The following STK32B variants were observed in gnomAD, a reference collection of about 807,000 sequenced individuals.
STK32B encodes serine/threonine-protein kinase 32B.
In STK32B, 43 loss-of-function variants were observed where a neutral mutation model predicts 52.6. The ratio of observed to expected loss-of-function variants is 0.82; its 90% CI spans 0.64 to 1.05. The LOEUF is 1.05. STK32B is among the 50% of genes least tolerant of loss of function. STK32B has a pLI of 0.00. For synonymous variants in STK32B, 238 were observed against 204.3 expected (o/e 1.17, Z -1.41); for missense variants, 621 against 534.6 (o/e 1.16, Z -1.59).
chr4:5,197,171 G>T (rs1406775386), intron 3 of STK32B, among the ~76,000 whole-genome samples: 3 of 152,224 alleles, frequency 2.0e-5, no homozygotes, highest in Non-Finnish European at 4.4e-5. Context: ...GGGAGTGATG[G>T]AGACTGTGGC....
chr4:5,357,019 A>ATT (rs1207392273), intron 4 of STK32B, among the ~76,000 whole-genome samples: 9 of 141,232 alleles, frequency 6.4e-5, no homozygotes, highest in African/African-American at 2.6e-4. Context: ...ATATATATAT[A>ATT]TATACACACA....
At chr4:5,078,266 T>C (rs1712203122) in intron 1 of STK32B, among the ~76,000 whole-genome samples, 1 of 152,174 alleles carries the variant, frequency 6.6e-6, no homozygotes, top group South Asian at 2.1e-4. Flanking sequence ...TGTGCTGGAC[T>C]TCCATATATG....
At chr4:5,367,268 A>G (rs1421129273) in intron 4 of STK32B, among the ~76,000 whole-genome samples, 1 of 152,102 alleles carries the variant, frequency 6.6e-6, no homozygotes, top group East Asian at 1.9e-4. Context: ...CAGCTCCAGG[A>G]TAGTTCTTTA....
At chr4:5,319,142 A>G (rs547027333) in intron 3 of STK32B, among the ~76,000 whole-genome samples, 2 of 152,174 alleles carry the variant, frequency 1.3e-5, no homozygotes, top group African/African-American at 2.4e-5. Context: ...ATTATGTGTC[A>G]GTCACTTTTC....
chr4:5,063,239 A>G (rs1264561569), intron 1 of STK32B, among the ~76,000 whole-genome samples: 5 of 152,220 alleles, frequency 3.3e-5, no homozygotes, highest in African/African-American at 4.8e-5. Context: ...CCATTGCTCT[A>G]CATCAGCACT....
intron 5 of STK32B, among the ~76,000 whole-genome samples, chr4:5,409,226 C>CATT (rs1737866432): frequency 1.3e-5 from 2 of 152,076 alleles, no homozygotes; most frequent in Admixed American, 1.3e-4. Context: ...TTAGAAAATG[C>CATT]ATTTTCCCCC....
intron 1 of STK32B, among the ~76,000 whole-genome samples, chr4:5,116,473 A>G (rs939586698): frequency 3.9e-5 from 6 of 152,216 alleles, no homozygotes; most frequent in Non-Finnish European, 4.4e-5. Flanking sequence ...TAATATATCT[A>G]TCAACTCATA....
At chr4:5,211,805 G>T (rs1463846967) in intron 3 of STK32B, among the ~76,000 whole-genome samples, 2 of 152,126 alleles carry the variant, frequency 1.3e-5, no homozygotes, top group Non-Finnish European at 2.9e-5. Context: ...AAACAAACTC[G>T]CATTTTACAC....
intron 3 of STK32B, among the ~76,000 whole-genome samples, chr4:5,253,914 A>G (rs961737396): frequency 6.6e-6 from 1 of 152,154 alleles, no homozygotes; most frequent in Non-Finnish European, 1.5e-5. Context: ...GCCCCAGACT[A>G]GGAACTGCTC....
intron 3 of STK32B, among the ~76,000 whole-genome samples, chr4:5,289,659 C>T (rs188740602): frequency 0.023 from 3,358 of 147,810 alleles, 73 homozygotes; most frequent in Non-Finnish European, 0.029. Flanking sequence ...GCTGGGAGTA[C>T]AGGCACCCAC....
intron 3 of STK32B, among the ~76,000 whole-genome samples, chr4:5,286,874 T>A (rs1412173687): frequency 2.0e-5 from 3 of 147,504 alleles, no homozygotes; most frequent in African/African-American, 7.8e-5. Context: ...CTTGGCTCAC[T>A]GCAACCTCTG....
intron 3 of STK32B, among the ~76,000 whole-genome samples, chr4:5,208,816 C>A (rs1722733773): frequency 6.6e-6 from 1 of 152,208 alleles, no homozygotes; most frequent in African/African-American, 2.4e-5. Context: ...TGGCTTGATT[C>A]ACCCAAATCA....
At chr4:5,366,403 G>C (rs1358792653) in intron 4 of STK32B, among the ~76,000 whole-genome samples, 1 of 152,224 alleles carries the variant, frequency 6.6e-6, no homozygotes, top group Non-Finnish European at 1.5e-5. Context: ...TAAAGCTTGA[G>C]CTTGGAGCTT....
At chr4:5,322,588 G>C (rs927134045) in intron 3 of STK32B, among the ~76,000 whole-genome samples, 2 of 152,330 alleles carry the variant, frequency 1.3e-5, no homozygotes, top group African/African-American at 4.8e-5. Flanking sequence ...GCCTCAGGAA[G>C]AAGAAGTGGA....
Position 5,058,101 on chromosome 4 carries a change from C to A in STK32B, c.52+6186C>A, listed in dbSNP as rs1742078231. Among the ~76,000 whole-genome samples the A allele has an allele frequency of 6.6e-6, 1 of 152,140 alleles. No individual in the cohort carries two copies. On this transcript the variant is annotated intron_variant, in intron 1 of 11. Coordinates refer to ENST00000282908, the MANE Select transcript of STK32B (RefSeq NM_018401.3). This position sits in a 1 kb window ranked among gnomAD's most constrained non-coding sequence, Gnocchi z 4.8. ...ATTTTTGTGACCTCCTTGGAGTACC[C>A]TTATGCATTGAAGATTTTGGCCTCT... is the stretch of plus-strand genomic sequence containing the variant.
chr4:5,436,784 T>G, intron 6 of STK32B: 1 of 613,480 alleles, frequency 1.6e-6, no homozygotes, highest in Non-Finnish European at 2.0e-6. Flanking sequence ...TCAGGGGTAC[T>G]ACTGGGTGGT....
rs1737029047 is a variant in STK32B, at chr4:5,398,008, C to G, written c.435-199C>G. Among the ~76,000 whole-genome samples the G allele has an allele frequency of 6.6e-6, 1 of 152,202 alleles. No homozygotes were observed. Among genetic ancestry groups the G allele is most frequent in the Non-Finnish European group, 1.5e-5 (1 of 68,044 alleles). On this transcript the variant is annotated intron_variant, in intron 4 of 11. Coordinates refer to ENST00000282908, the MANE Select transcript of STK32B (RefSeq NM_018401.3). The surrounding 1 kb of genome is among the most constrained non-coding windows in gnomAD (Gnocchi z 4.9). Reference sequence around the variant, plus strand: ...ATATTCAAACAATCTACTTGCACTTCCAGGAAAGAGAAGAGGCGATAAGAA... The same window carrying G: ...ATATTCAAACAATCTACTTGCACTTGCAGGAAAGAGAAGAGGCGATAAGAA...
intron 6 of STK32B, among the ~76,000 whole-genome samples, chr4:5,419,276 C>G (rs1196204544): frequency 6.6e-6 from 1 of 152,182 alleles, no homozygotes; most frequent in Non-Finnish European, 1.5e-5. Flanking sequence ...GCTTGCTATC[C>G]AGGTTTCCTG....
chr4:5,434,914 A>G (rs1208189130), intron 6 of STK32B, among the ~76,000 whole-genome samples: 1 of 152,200 alleles, frequency 6.6e-6, no homozygotes, highest in Non-Finnish European at 1.5e-5. Flanking sequence ...ATAGTGGAAC[A>G]GCTGTATTGA....
Sources: allele counts gnomAD v4.1 joint callset (sites outside exome capture counted in the v4.1 genomes callset), GRCh38; gene constraint gnomAD v4.1.1; non-coding constraint Gnocchi (gnomAD v3.1); transcripts MANE v1.5; gene names NCBI Gene and HGNC (gene_info 2026-07-23, HGNC 2026-07-21).